Variants in GRIA4 observed in about 807,000 individuals in gnomAD.
The protein encoded by GRIA4 is glutamate receptor 4.
In GRIA4, 34 loss-of-function variants were observed where a neutral mutation model predicts 104.0. That is an observed-to-expected ratio of 0.33 (90% CI 0.25 to 0.44). GRIA4 has a LOEUF of 0.44. Ranked by LOEUF, GRIA4 falls within the 20% of genes least tolerant of loss-of-function variation. GRIA4 has a pLI of 1.00. For synonymous variants in GRIA4, 386 were observed against 381.9 expected, an observed-to-expected ratio of 1.01 and a Z score of -0.13; for missense variants, 750 against 1,096.5, an observed-to-expected ratio of 0.68 and a Z score of 4.46.
intron 3 of GRIA4, among the ~76,000 whole-genome samples, chr11:105,714,564 A>G (rs912933417): frequency 6.6e-6 from 1 of 152,126 alleles, no homozygotes; most frequent in Non-Finnish European, 1.5e-5. Context: ...TAAAACATCA[A>G]TTATCTTACA....
chr11:105,753,284 T>C, intron 4 of GRIA4, 64 bp downstream of exon 4: 1 of 1,480,324 alleles, frequency 6.8e-7, no homozygotes, highest in South Asian at 1.2e-5. Context: ...TGGCCTTATA[T>C]GACTTCGGTT....
chr11:105,975,760 A>AT (rs1373202447), intron 16 of GRIA4, among the ~76,000 whole-genome samples: 10 of 152,126 alleles, frequency 6.6e-5, no homozygotes, highest in Non-Finnish European at 1.3e-4. Context: ...AACACGCTTG[A>AT]TTTTTTATAT....
chr11:105,946,733 A>T (rs765181021), intron 14 of GRIA4, among the ~76,000 whole-genome samples: 18 of 152,182 alleles, frequency 1.2e-4, no homozygotes, highest in Non-Finnish European at 2.4e-4. Flanking sequence ...TTTTCCTCCA[A>T]AGAAGCTAGA....
At chr11:105,951,110 G>A (rs549878471) in intron 14 of GRIA4, among the ~76,000 whole-genome samples, 2 of 152,270 alleles carry the variant, frequency 1.3e-5, no homozygotes, top group East Asian at 3.9e-4. Context: ...TAAAGCAATT[G>A]ATGAAAGTTT....
chr11:105,852,183 G>T (rs1439044763), intron 4 of GRIA4, among the ~76,000 whole-genome samples: 1 of 152,072 alleles, frequency 6.6e-6, no homozygotes, highest in Non-Finnish European at 1.5e-5. Flanking sequence ...GACCAAATAC[G>T]GAATTTAAGA....
chr11:105,839,129 T>C (rs1308175168), intron 4 of GRIA4, among the ~76,000 whole-genome samples: 1 of 152,078 alleles, frequency 6.6e-6, no homozygotes, highest in African/African-American at 2.4e-5. Context: ...CTGTCTGACA[T>C]TATGAAGACA....
chr11:105,951,978 TA>T (rs1391412702), intron 14 of GRIA4, among the ~76,000 whole-genome samples: 2 of 151,888 alleles, frequency 1.3e-5, no homozygotes, highest in Non-Finnish European at 2.9e-5. Context: ...ATAAAAATAA[TA>T]AAAAATTAAA....
rs368916930 is a variant in GRIA4 at position 105,833,336 on chromosome 11, T to C, written c.488-28688T>C. On this transcript the variant is annotated intron_variant, in intron 4 of 16. Transcript: ENST00000282499. ...ACATGTATATATAAACATATTCTTATGCTATATCTCAGTCCTTCCATTTCT... is the reference window on the plus strand; with the variant it reads ...ACATGTATATATAAACATATTCTTACGCTATATCTCAGTCCTTCCATTTCT... Among the ~76,000 whole-genome samples, 155 of 152,124 alleles carry C rather than the reference T, an allele frequency of 1.0e-3. 4 individuals are homozygous for C. The South Asian group carries it at 0.028, about 27-fold the overall frequency.
At chr11:105,972,222 G>A (rs1463907374) in intron 15 of GRIA4, among the ~76,000 whole-genome samples, 194 bp downstream of exon 15, 1 of 152,104 alleles carries the variant, frequency 6.6e-6, no homozygotes, top group Non-Finnish European at 1.5e-5. Context: ...CCAATATTAA[G>A]ACTTTTAAAT....
chr11:105,846,553 T>C (rs1944604261), intron 4 of GRIA4, among the ~76,000 whole-genome samples: 1 of 151,880 alleles, frequency 6.6e-6, no homozygotes. Context: ...TTAAAAGAAA[T>C]AGAAGCCAAA....
chr11:105,919,423 G>A (rs1051255127), intron 11 of GRIA4, among the ~76,000 whole-genome samples: 1 of 152,050 alleles, frequency 6.6e-6, no homozygotes, highest in African/African-American at 2.4e-5. Flanking sequence ...CATCAATAAT[G>A]TCAGATTCTC....
chr11:105,671,911 A>G (rs1952386532), intron 3 of GRIA4, among the ~76,000 whole-genome samples: 1 of 151,948 alleles, frequency 6.6e-6, no homozygotes, highest in African/African-American at 2.4e-5. Context: ...TAGGGCTTAT[A>G]AGTCTGTTTT....
chr11:105,769,273 C>A (rs747496022), intron 4 of GRIA4, among the ~76,000 whole-genome samples: 2 of 152,034 alleles, frequency 1.3e-5, no homozygotes, highest in African/African-American at 2.4e-5. Context: ...GAGGCACATG[C>A]AAGACTGTGC....
intron 4 of GRIA4, among the ~76,000 whole-genome samples, chr11:105,810,331 T>G (rs141522687): frequency 6.6e-6 from 1 of 152,346 alleles, no homozygotes; most frequent in Admixed American, 6.5e-5. Context: ...GTTCCCCTCT[T>G]TCTTTTTTCT....
chr11:105,934,130 T>A (rs4755121), intron 14 of GRIA4, among the ~76,000 whole-genome samples, 161 bp downstream of exon 14: 12,394 of 152,128 alleles, frequency 0.081, 743 homozygotes, highest in Admixed American at 0.18. Flanking sequence ...ATCAGGTAAT[T>A]TTTTTTAATT....
intron 3 of GRIA4, among the ~76,000 whole-genome samples, chr11:105,716,680 T>C (rs113156998): frequency 6.6e-4 from 100 of 152,266 alleles, no homozygotes; most frequent in African/African-American, 2.3e-3. Flanking sequence ...TAGAGAAGAA[T>C]AGTTTGCACT....
chr11:105,634,559 C>T (rs1951155448), intron 3 of GRIA4, among the ~76,000 whole-genome samples: 1 of 151,388 alleles, frequency 6.6e-6, no homozygotes, highest in Admixed American at 6.6e-5. Context: ...GAAAAACTTG[C>T]TTCTAAAGTG....
At chr11:105,887,639 C>A in intron 6 of GRIA4, 67 bp downstream of exon 6, 1 of 764,330 alleles carries the variant, frequency 1.3e-6, no homozygotes, top group South Asian at 1.5e-5. Flanking sequence ...TTTAACTGTG[C>A]CTTAAATAAT....
chr11:105,697,048 C>T (rs560297370), intron 3 of GRIA4, among the ~76,000 whole-genome samples: 2 of 152,208 alleles, frequency 1.3e-5, no homozygotes, highest in Admixed American at 1.3e-4. Flanking sequence ...ATAGATGGAA[C>T]CCACCGCACC....
Sources: allele counts gnomAD v4.1 joint callset (sites outside exome capture counted in the v4.1 genomes callset), GRCh38; gene constraint gnomAD v4.1.1; transcripts MANE v1.5; gene names NCBI Gene and HGNC (gene_info 2026-07-23, HGNC 2026-07-21).